The following RERE variants were observed in gnomAD, a reference collection of about 807,000 sequenced individuals.
RERE encodes the protein arginine-glutamic acid dipeptide repeats protein.
RERE carries 40 observed loss-of-function variants against 146.1 expected under a neutral mutation model. The observed-to-expected ratio is 0.27, with a 90% confidence interval of 0.21 to 0.36. The LOEUF (loss-of-function observed/expected upper bound fraction) is 0.36, where lower values mean the gene tolerates loss of function less well. Ranked by LOEUF, RERE falls within the 10% of genes least tolerant of loss-of-function variation. RERE has a pLI of 1.00. For synonymous variants in RERE, 1,003 were observed against 866.0 expected (o/e 1.16, Z -2.78); for missense variants, 1,933 against 2,138.7 (o/e 0.90, Z 1.90).
intron 12 of RERE, among the ~76,000 whole-genome samples, chr1:8,386,010 ATATATATATATATTTTT>A (rs1320322753): frequency 2.3e-5 from 1 of 44,068 alleles, no homozygotes; most frequent in African/African-American, 8.8e-5. Flanking sequence ...ATATATATAT[ATATATATATATATTTTT>A]TTTTTTTTTT....
chr1:8,356,063 C>G lies in RERE; in HGVS notation c.4486+37G>C. The G allele has an allele frequency of 6.8e-7, 1 of 1,462,534 alleles. No homozygotes were observed. Among genetic ancestry groups the G allele is most frequent in the Non-Finnish European group, 9.0e-7 (1 of 1,110,096 alleles). The allele number at this position is 1,462,534 out of a possible 1,614,324, so 90.6% of individuals were successfully genotyped here. A position where few individuals can be genotyped will look rare whatever the true frequency, so the allele number is the denominator to read the frequency against. The stretch of plus-strand genomic sequence containing the variant: ...AGACCAGACCCCAACCCAACCCTCA[C>G]ACGGCCTCCCCGCCCCTCCTGGAGG... On this transcript the variant is annotated intron_variant, in intron 21 of 22. Coordinates refer to ENST00000400908, the MANE Select transcript of RERE (RefSeq NM_001042681.2). The surrounding 1 kb of genome is among the most constrained non-coding windows in gnomAD (Gnocchi z 5.2).
intron 11 of RERE, among the ~76,000 whole-genome samples, chr1:8,431,168 C>G (rs1267792993): frequency 2.6e-5 from 4 of 152,214 alleles, no homozygotes; most frequent in African/African-American, 9.7e-5. Context: ...CTGTTAGGAA[C>G]TGGGCCACAA....
intron 7 of RERE, among the ~76,000 whole-genome samples, chr1:8,523,919 G>A (rs2124348928): frequency 6.6e-6 from 1 of 152,352 alleles, no homozygotes; most frequent in East Asian, 1.9e-4. Flanking sequence ...GAAAGTTTCA[G>A]AAGAGGTAAA....
At chr1:8,529,968 C>T (rs987407134) in intron 7 of RERE, among the ~76,000 whole-genome samples, 1 of 152,154 alleles carries the variant, frequency 6.6e-6, no homozygotes, top group East Asian at 1.9e-4. Context: ...GTTTTCTCTC[C>T]TAGTTCTCTT....
chr1:8,414,839 T>C (rs573674763), intron 12 of RERE, among the ~76,000 whole-genome samples: 50 of 152,016 alleles, frequency 3.3e-4, no homozygotes, highest in Admixed American at 9.2e-4. Flanking sequence ...TTTCAAATTA[T>C]ACATGACAGG....
chr1:8,508,417 T>G (rs1645286092), intron 8 of RERE, among the ~76,000 whole-genome samples: 1 of 152,164 alleles, frequency 6.6e-6, no homozygotes, highest in South Asian at 2.1e-4. Flanking sequence ...ACAACAATAT[T>G]AATGTACTTA....
intron 12 of RERE, among the ~76,000 whole-genome samples, 171 bp downstream of exon 12, chr1:8,422,556 T>G (rs1382838173): frequency 2.6e-5 from 4 of 152,148 alleles, no homozygotes; most frequent in Admixed American, 2.6e-4. Context: ...TATCTAAAAA[T>G]TATGAACTCA....
chr1:8,775,055 G>A (rs751048645), intron 1 of RERE, among the ~76,000 whole-genome samples: 1 of 145,340 alleles, frequency 6.9e-6, no homozygotes, highest in Non-Finnish European at 1.5e-5. Flanking sequence ...CCACTTCCCG[G>A]GTTCAAGCGA....
intron 1 of RERE, among the ~76,000 whole-genome samples, chr1:8,800,245 T>A (rs1252539775): frequency 1.6e-5 from 2 of 127,782 alleles, no homozygotes; most frequent in Non-Finnish European, 1.6e-5. Flanking sequence ...GGCTACAGAG[T>A]GAGACTCTAC....
At chr1:8,381,185 T>G (rs577296179) in intron 12 of RERE, 6 of 362,714 alleles carry the variant, frequency 1.7e-5, no homozygotes, top group African/African-American at 1.1e-4. Context: ...GTGACCTTTT[T>G]GTGGCTCATA....
chr1:8,661,353 T>G, intron 1 of RERE, among the ~76,000 whole-genome samples: 1 of 152,158 alleles, frequency 6.6e-6, no homozygotes, highest in East Asian at 1.9e-4. Flanking sequence ...GAGGAGGACC[T>G]GGATCCTGGC....
rs747000997 is a variant in RERE at position 8,356,161 on chromosome 1, G to A, written c.4425C>T (p.Leu1475=). 10 of 1,521,104 alleles carry A rather than the reference G, an allele frequency of 6.6e-6. No individual in the cohort carries two copies. Among genetic ancestry groups the A allele is most frequent in the African/African-American group, 5.8e-5 (4 of 68,410 alleles). The allele number at this position is 1,521,104 out of a possible 1,614,324, so 94.2% of individuals were successfully genotyped here. A position where few individuals can be genotyped will look rare whatever the true frequency, so the allele number is the denominator to read the frequency against. Residue 1475 remains leucine (L), a synonymous_variant, in exon 21 of 23, where the codon CTC becomes CTT. Transcript: ENST00000400908. The surrounding 1 kb of genome is among the most constrained non-coding windows in gnomAD (Gnocchi z 5.2). ...LARFPYPPGT[L]PNPLLGQPPH... is the part of the protein sequence containing the mutation. ...GGGGCTGTCCAAGCAGAGGGTTGGG[G>A]AGAGTGCCAGGCGGGTAGGGGAAGC...
intron 4 of RERE, among the ~76,000 whole-genome samples, chr1:8,601,091 C>T (rs1049382820): frequency 2.2e-5 from 3 of 135,390 alleles, no homozygotes; most frequent in Non-Finnish European, 4.6e-5. Context: ...GTGATCTTGG[C>T]TTGCTGCAAC....
chr1:8,359,161 G>C (rs1188809266), intron 19 of RERE, among the ~76,000 whole-genome samples: 1 of 152,224 alleles, frequency 6.6e-6, no homozygotes, highest in East Asian at 1.9e-4. Flanking sequence ...GTGAGACTAA[G>C]CTCATGCATG....
At chr1:8,460,006 C>T (rs1471400393) in intron 11 of RERE, among the ~76,000 whole-genome samples, 11 of 152,148 alleles carry the variant, frequency 7.2e-5, no homozygotes, top group African/African-American at 2.4e-5. Flanking sequence ...CTGAAATCCA[C>T]GTAACCATAA....
chr1:8,771,866 C>T (rs190816203), intron 1 of RERE, among the ~76,000 whole-genome samples: 1,773 of 142,934 alleles, frequency 0.012, 30 homozygotes, highest in African/African-American at 0.043. Flanking sequence ...CCGGAGATCA[C>T]GCCACTGCAC....
intron 1 of RERE, among the ~76,000 whole-genome samples, chr1:8,709,906 G>C (rs1002731089): frequency 7.2e-5 from 11 of 152,138 alleles, no homozygotes; most frequent in African/African-American, 2.4e-4. Context: ...CCAGCAGTGG[G>C]TCCTGGTCCT....
chr1:8,625,779 G>A (rs1197819792), intron 2 of RERE, among the ~76,000 whole-genome samples: 2 of 152,164 alleles, frequency 1.3e-5, no homozygotes, highest in East Asian at 1.9e-4. Flanking sequence ...AACCCCAACA[G>A]ACCAACTAAG....
At chr1:8,638,221 C>T (rs1202364061) in intron 2 of RERE, among the ~76,000 whole-genome samples, 1 of 151,954 alleles carries the variant, frequency 6.6e-6, no homozygotes, top group African/African-American at 2.4e-5. Context: ...GAGGTCACTC[C>T]CTGAATAACC....
Sources: allele counts gnomAD v4.1 joint callset (sites outside exome capture counted in the v4.1 genomes callset), GRCh38; gene constraint gnomAD v4.1.1; non-coding constraint Gnocchi (gnomAD v3.1); transcripts MANE v1.5; gene names NCBI Gene and HGNC (gene_info 2026-07-23, HGNC 2026-07-21).